Variants in NAV2 observed in about 807,000 individuals in gnomAD.
NAV2 encodes helicase, APC down-regulated 1.
NAV2 carries 54 observed loss-of-function variants against 223.2 expected under a neutral mutation model. The observed-to-expected ratio is 0.24, with a 90% confidence interval of 0.19 to 0.30. NAV2 has a LOEUF of 0.30. Ranked by LOEUF, NAV2 falls within the 10% of genes least tolerant of loss-of-function variation. NAV2 has a pLI of 1.00. For synonymous variants in NAV2, 1,279 were observed against 1,239.3 expected (o/e 1.03, Z -0.67); for missense variants, 2,806 against 3,147.5 (o/e 0.89, Z 2.60).
At chr11:19,546,899 C>T (rs927098187) in intron 1 of NAV2, among the ~76,000 whole-genome samples, 1 of 152,190 alleles carries the variant, frequency 6.6e-6, no homozygotes, top group African/African-American at 2.4e-5. Context: ...AGCAAGACAA[C>T]TTCTGTCTCA....
intron 19 of NAV2, 92 bp downstream of exon 19, chr11:20,056,049 C>A: frequency 8.1e-7 from 1 of 1,240,206 alleles, no homozygotes; most frequent in Non-Finnish European, 1.1e-6. Context: ...AGTTCACTTC[C>A]TTAACCTGAG....
intron 10 of NAV2, chr11:19,978,741 C>A (rs967596880): frequency 6.0e-5 from 9 of 149,544 alleles, no homozygotes; most frequent in African/African-American, 2.0e-4. Flanking sequence ...TTCTCTGTCC[C>A]CTCTCTCCTC....
In NAV2 at chr11:20,093,107, C is replaced by T; in HGVS notation, c.5824C>T (p.Leu1942=). The part of the protein sequence containing the change: ...LTESTSLDML[L]DDTGECSARK... ...ATGTTTTCCATTCGCAGACATGTTG[C>T]TGGATGACACTGGTGAATGCTCGGC... The change falls in exon 29 of 38, where the codon CTG becomes TTG. Residue 1942 remains leucine (L), a synonymous_variant. Transcript: ENST00000349880. 1 of 1,613,628 alleles carries T rather than the reference C, an allele frequency of 6.2e-7. No individual in the cohort carries two copies.
intron 1 of NAV2, among the ~76,000 whole-genome samples, chr11:19,746,540 G>A (rs1180960974): frequency 2.0e-5 from 3 of 152,166 alleles, no homozygotes; most frequent in South Asian, 2.1e-4. Context: ...TGAGGAGAAC[G>A]CTAGAAGGGC....
chr11:19,851,266 C>T (rs2061103696), intron 3 of NAV2, among the ~76,000 whole-genome samples: 1 of 152,080 alleles, frequency 6.6e-6, no homozygotes, highest in Non-Finnish European at 1.5e-5. Flanking sequence ...ACTCCCTTAA[C>T]TGTTTTGCTA....
chr11:19,438,517 C>T (rs1291342925), intron 1 of NAV2, among the ~76,000 whole-genome samples: 1 of 152,182 alleles, frequency 6.6e-6, no homozygotes, highest in South Asian at 2.1e-4. Context: ...GAGGGTTTTC[C>T]ACACCAACAA....
chr11:19,589,820 G>A (rs554896188), intron 1 of NAV2, among the ~76,000 whole-genome samples: 6 of 152,332 alleles, frequency 3.9e-5, no homozygotes, highest in South Asian at 2.1e-4. Flanking sequence ...AAAGCCACCT[G>A]TAAGTTGGTT....
intron 1 of NAV2, among the ~76,000 whole-genome samples, chr11:19,361,974 TA>T (rs1853978487): frequency 6.6e-6 from 1 of 151,884 alleles, no homozygotes; most frequent in South Asian, 2.1e-4. Context: ...TCAGCTAGAT[TA>T]GGGGGATAAG....
chr11:19,600,853 A>G (rs2046332836), intron 1 of NAV2, among the ~76,000 whole-genome samples: 1 of 152,220 alleles, frequency 6.6e-6, no homozygotes. Flanking sequence ...TGAAGGTTTT[A>G]TAGCCAGCAA....
At chr11:19,495,080 A>T (rs2042751238) in intron 1 of NAV2, among the ~76,000 whole-genome samples, 1 of 152,176 alleles carries the variant, frequency 6.6e-6, no homozygotes, top group South Asian at 2.1e-4. Flanking sequence ...ACCCATGGAT[A>T]ACTTGTGGAC....
intron 1 of NAV2, among the ~76,000 whole-genome samples, chr11:19,529,699 G>T (rs2043963251): frequency 6.6e-6 from 1 of 152,136 alleles, no homozygotes; most frequent in Admixed American, 6.5e-5. Flanking sequence ...GCTGATGTGG[G>T]GTGGAAGTTG....
chr11:20,015,587 T>C (rs2053933943), intron 11 of NAV2, among the ~76,000 whole-genome samples: 1 of 152,192 alleles, frequency 6.6e-6, no homozygotes, highest in Non-Finnish European at 1.5e-5. Context: ...TTAAATGTAT[T>C]TGTTTTTTAT....
intron 1 of NAV2, among the ~76,000 whole-genome samples, chr11:19,795,324 G>A (rs562027189): frequency 6.6e-6 from 1 of 152,306 alleles, no homozygotes; most frequent in Admixed American, 6.5e-5. Flanking sequence ...TGTCACCCAA[G>A]CTTATCATTC....
intron 1 of NAV2, among the ~76,000 whole-genome samples, chr11:19,587,971 C>T (rs1294859180): frequency 6.6e-6 from 1 of 152,202 alleles, no homozygotes; most frequent in African/African-American, 2.4e-5. Context: ...GGTCTAGTAC[C>T]TGGTCAACCA....
intron 30 of NAV2, among the ~76,000 whole-genome samples, chr11:20,095,985 C>T (rs140449494): frequency 2.0e-5 from 3 of 152,324 alleles, no homozygotes; most frequent in Non-Finnish European, 2.9e-5. Flanking sequence ...GCCGTCTGCC[C>T]TTTGCAGTGG....
chr11:19,466,382 C>A (rs1298708133), intron 1 of NAV2, among the ~76,000 whole-genome samples: 1 of 152,196 alleles, frequency 6.6e-6, no homozygotes, highest in Admixed American at 6.5e-5. Flanking sequence ...TGGGAGAGAT[C>A]ATTTCTAGTT....
At chr11:20,044,362 T>A in intron 13 of NAV2, 90 bp downstream of exon 13, 1 of 1,187,352 alleles carries the variant, frequency 8.4e-7, no homozygotes, top group Non-Finnish European at 1.2e-6. Flanking sequence ...CATTATATAT[T>A]TTGTCTCAGG....
intron 1 of NAV2, among the ~76,000 whole-genome samples, chr11:19,683,306 G>A: frequency 6.6e-6 from 1 of 152,194 alleles, no homozygotes; most frequent in Middle Eastern, 3.2e-3. Context: ...GTTGCGGGGT[G>A]TAACAGAAAG....
chr11:19,758,394 G>T (rs1029415807), intron 1 of NAV2, among the ~76,000 whole-genome samples: 1 of 152,236 alleles, frequency 6.6e-6, no homozygotes, highest in East Asian at 1.9e-4. Flanking sequence ...AAAAAGAGCC[G>T]CATAAAATGT....
Sources: allele counts gnomAD v4.1 joint callset (sites outside exome capture counted in the v4.1 genomes callset), GRCh38; gene constraint gnomAD v4.1.1; transcripts MANE v1.5; gene names NCBI Gene and HGNC (gene_info 2026-07-23, HGNC 2026-07-21).